Variants in ACIN1 observed in about 807,000 individuals in gnomAD.
ACIN1 encodes apoptotic chromatin condensation inducer in the nucleus.
Under a neutral mutation model 146.6 loss-of-function variants are expected in ACIN1, and 16 were observed. That is an observed-to-expected ratio of 0.11 (90% CI 0.07 to 0.17). The LOEUF is 0.17. ACIN1 is among the 10% of genes least tolerant of loss of function. The probability of loss-of-function intolerance (pLI) is 1.00; values close to 1 mark genes in which losing one functional copy is unlikely to be tolerated. For synonymous variants in ACIN1, 569 were observed against 582.7 expected (o/e 0.98, Z 0.34); for missense variants, 1,357 against 1,609.3 (o/e 0.84, Z 2.68).
intron 4 of ACIN1, among the ~76,000 whole-genome samples, chr14:23,082,068 C>T (rs184091574): frequency 6.6e-4 from 101 of 152,246 alleles, no homozygotes; most frequent in Admixed American, 1.9e-3. Flanking sequence ...TTCAACACCT[C>T]GAAGCCAATT....
chr14:23,081,448 A>G (rs578215182), intron 5 of ACIN1, among the ~76,000 whole-genome samples: 2 of 152,312 alleles, frequency 1.3e-5, no homozygotes, highest in Admixed American at 6.5e-5. Flanking sequence ...AAAAGATGAC[A>G]AAGAGGAGAA....
Position 23,090,581 on chromosome 14 carries a change from T to C in ACIN1, c.257A>G (p.Gln86Arg). 6.2e-7 allele frequency: 1 copy of C among 1,614,180 alleles called. No individual in the cohort carries two copies. Among genetic ancestry groups the C allele is most frequent in the Non-Finnish European group, 8.5e-7 (1 of 1,180,012 alleles). ...CAGACGCTGCCTAAGTAGCTCCTGC[T>C]GCTTTTCCAGATACTGTTTTATGAA... ...NSFIKQYLEK[Q>R]QELLRQRLER... Residue 86 changes from glutamine (Q) to arginine (R), a missense_variant, in exon 3 of 19, where the codon CAG (glutamine) becomes CGG (arginine). Coordinates refer to ENST00000605057, the MANE Select transcript of ACIN1 (RefSeq NM_001386863.1).
chr14:23,081,719 G>A, intron 5 of ACIN1, 29 bp downstream of exon 5: 5 of 1,506,192 alleles, frequency 3.3e-6, no homozygotes, highest in Non-Finnish European at 4.6e-6. Flanking sequence ...TTACTGAAGA[G>A]GTAATGCTTT....
At chr14:23,074,894 C>T (rs879319301) in intron 8 of ACIN1, among the ~76,000 whole-genome samples, 4 of 152,004 alleles carry the variant, frequency 2.6e-5, no homozygotes, top group East Asian at 1.9e-4. Flanking sequence ...AGAAAATTCA[C>T]GAGGAGCTGA....
At position 23,079,121 on chromosome 14, in the gene ACIN1, T is replaced by G. The variant is rs369091659; in HGVS notation, c.1789-83A>C. 25 of 1,372,030 alleles carry G rather than the reference T, an allele frequency of 1.8e-5. No individual in the cohort carries two copies. The African/African-American group carries it at 3.1e-4, about 17-fold the overall frequency. 85.0% of individuals were successfully genotyped at this position (1,372,030 alleles called of 1,614,324 possible). A position where few individuals can be genotyped will look rare whatever the true frequency, so the allele number is the denominator to read the frequency against. ...AGATTGCTGAGTTTTCCAGTTTCCA[T>G]GGACCAAATTTTATACTCTGGACCT... On this transcript the variant is annotated intron_variant, in intron 6 of 18. Transcript: ENST00000605057.
In ACIN1 at chr14:23,067,884, C is replaced by A; in HGVS notation, c.2265+1592G>T. 1 of 985,814 alleles carries A rather than the reference C, an allele frequency of 1.0e-6. No individual in the cohort carries two copies. The highest frequency in any genetic ancestry group is 4.7e-5 in the South Asian group (1 of 21,286). The allele number at this position is 985,814 out of a possible 1,614,324, so 61.1% of individuals were successfully genotyped here. ...GTAGCCTGGGGGTAGGTGAATACCC[C>A]AGGACCTGGCAGACATTCAGCAGCA... On this transcript the variant is annotated intron_variant, in intron 9 of 18. Transcript: ENST00000605057. This position sits in a 1 kb window ranked among gnomAD's most constrained non-coding sequence, Gnocchi z 4.6.
chr14:23,066,073 G>A, intron 9 of ACIN1, 65 bp from the exon 10 acceptor site: 1 of 1,351,906 alleles, frequency 7.4e-7, no homozygotes, highest in Admixed American at 1.7e-5. Flanking sequence ...AGGGGGGAAG[G>A]AGGTTAGATG....
intron 7 of ACIN1, among the ~76,000 whole-genome samples, chr14:23,078,515 C>T (rs1398810966): frequency 6.6e-6 from 1 of 152,086 alleles, no homozygotes; most frequent in African/African-American, 2.4e-5. Context: ...CCTCAGTGAT[C>T]CTTGTTCTGA....
intron 14 of ACIN1, 58 bp downstream of exon 14, chr14:23,062,871 G>T: frequency 6.5e-7 from 1 of 1,541,476 alleles, no homozygotes; most frequent in Non-Finnish European, 8.8e-7. Context: ...GGAGGCATAA[G>T]CCTAAAGCTC....
At chr14:23,079,101 G>A (rs770171730) in intron 6 of ACIN1, 63 bp from the exon 7 acceptor site, 91 of 1,484,586 alleles carry the variant, frequency 6.1e-5, no homozygotes, top group Non-Finnish European at 7.7e-5. Context: ...TCAGTAGATT[G>A]CTGAGTTTTC....
At chr14:23,079,135 T>C (rs2047877133) in intron 6 of ACIN1, 97 bp from the exon 7 acceptor site, 1 of 1,228,854 alleles carries the variant, frequency 8.1e-7, no homozygotes, top group African/African-American at 1.5e-5. Flanking sequence ...CCAAATTTTA[T>C]ACTCTGGACC....
intron 9 of ACIN1, 106 bp from the exon 10 acceptor site, chr14:23,066,114 AGAT>A: frequency 1.2e-6 from 1 of 818,056 alleles, no homozygotes; most frequent in South Asian, 1.5e-5. Flanking sequence ...CCAAAGACAC[AGAT>A]AGAGTGAGAG....
Position 23,062,150 on chromosome 14 carries a change from T to A in ACIN1, c.3099+18A>T. On this transcript the variant is annotated intron_variant, in intron 16 of 18. Coordinates refer to ENST00000605057, the MANE Select transcript of ACIN1 (RefSeq NM_001386863.1). The stretch of plus-strand genomic sequence containing the variant: ...CTTCCCCTGCCCCTCCTCTCTTTCC[T>A]CTCCCTAGGTTTCTTACCTCATCTT... 6.2e-7 allele frequency: 1 copy of A among 1,606,686 alleles called. No homozygotes were observed. Among genetic ancestry groups the A allele is most frequent in the South Asian group, 1.1e-5 (1 of 90,858 alleles).
intron 4 of ACIN1, among the ~76,000 whole-genome samples, chr14:23,083,319 C>G (rs1369571461): frequency 6.6e-6 from 1 of 152,048 alleles, no homozygotes; most frequent in African/African-American, 2.4e-5. Flanking sequence ...ATCCTCCCAC[C>G]CCGGTCCTCC....
At chr14:23,069,722 A>C in intron 8 of ACIN1, 105 bp from the exon 9 acceptor site, 1 of 1,092,592 alleles carries the variant, frequency 9.2e-7, no homozygotes, top group South Asian at 1.6e-5. Flanking sequence ...CTGCCTCATC[A>C]CTTGGGTGGG....
intron 8 of ACIN1, among the ~76,000 whole-genome samples, chr14:23,073,103 T>C (rs1034820227): frequency 6.6e-5 from 10 of 152,248 alleles, no homozygotes; most frequent in Admixed American, 3.3e-4. Context: ...CTGAGTTTCC[T>C]CAAAAGAGTA....
chr14:23,063,881 A>G (rs142266544), intron 12 of ACIN1, among the ~76,000 whole-genome samples: 12 of 152,348 alleles, frequency 7.9e-5, no homozygotes, highest in Non-Finnish European at 1.8e-4. Flanking sequence ...ACAAACAGCC[A>G]CAGACAAAAG....
rs1369648577 is a variant in ACIN1, at chr14:23,071,672, C to T, written c.2124-2055G>A. Reference sequence around the variant, plus strand: ...AGCAAGGTTCTTATCCTTTGGCAGGCCACAGGGAGCCGACTGCTGGCTCCA... The same window carrying T: ...AGCAAGGTTCTTATCCTTTGGCAGGTCACAGGGAGCCGACTGCTGGCTCCA... On this transcript the variant is annotated intron_variant, in intron 8 of 18. Transcript: ENST00000605057. 1.1e-5 allele frequency: 12 copies of T among 1,062,048 alleles called. No homozygotes were observed. In the South Asian group the frequency reaches 1.2e-4, roughly 11 times the overall value. 65.8% of individuals were successfully genotyped at this position (1,062,048 alleles called of 1,614,324 possible).
Position 23,059,448 on chromosome 14 carries a change from G to C in ACIN1, c.3552C>G (p.Ala1184=). 6.2e-7 allele frequency: 1 copy of C among 1,613,544 alleles called. No homozygotes were observed. The change falls in exon 19 of 19, where the codon GCC becomes GCG. Residue 1184 remains alanine, a synonymous_variant. Transcript: ENST00000605057. The part of the protein sequence containing the change: ...SQIVQKEAER[A]ERAKEREKRR... Reference sequence around the variant, plus strand: ...GCTTCTCCCGCTCCTTGGCCCGTTCGGCCCGCTCTGCCTCTTTCTGAACGA... The same window carrying C: ...GCTTCTCCCGCTCCTTGGCCCGTTCCGCCCGCTCTGCCTCTTTCTGAACGA...
Sources: allele counts gnomAD v4.1 joint callset (sites outside exome capture counted in the v4.1 genomes callset), GRCh38; gene constraint gnomAD v4.1.1; non-coding constraint Gnocchi (gnomAD v3.1); transcripts MANE v1.5; gene names NCBI Gene and HGNC (gene_info 2026-07-23, HGNC 2026-07-21).